Variants in CENPE observed in about 807,000 individuals in gnomAD.
CENPE encodes centromere protein E.
Under a neutral mutation model 336.1 loss-of-function variants are expected in CENPE, and 145 were observed. The observed-to-expected ratio is 0.43, with a 90% confidence interval of 0.38 to 0.50. The LOEUF (loss-of-function observed/expected upper bound fraction) is 0.50, where lower values mean the gene tolerates loss of function less well. CENPE is among the 20% of genes least tolerant of loss of function. The pLI is 0.00. For synonymous variants in CENPE, 1,013 were observed against 984.8 expected, an observed-to-expected ratio of 1.03 and a Z score of -0.54; for missense variants, 2,719 against 3,023.3, an observed-to-expected ratio of 0.90 and a Z score of 2.36.
At chr4:103,118,108 C>T (rs987153012) in intron 44 of CENPE, among the ~76,000 whole-genome samples, 7 of 152,200 alleles carry the variant, frequency 4.6e-5, no homozygotes, top group African/African-American at 1.7e-4. Flanking sequence ...AATACAACTG[C>T]TCAATCATAC....
chr4:103,154,072 G>A (rs983901494), intron 24 of CENPE, among the ~76,000 whole-genome samples: 1 of 152,036 alleles, frequency 6.6e-6, no homozygotes, highest in Non-Finnish European at 1.5e-5. Context: ...ACTATTGCTG[G>A]TACAAATTTA....
At chr4:103,195,716 G>C (rs1270192339) in intron 4 of CENPE, among the ~76,000 whole-genome samples, 1 of 152,094 alleles carries the variant, frequency 6.6e-6, no homozygotes, top group Non-Finnish European at 1.5e-5. Flanking sequence ...TCAAGAGAAA[G>C]AATAAAAGAA....
intron 40 of CENPE, among the ~76,000 whole-genome samples, chr4:103,135,830 T>A (rs1381957240): frequency 1.3e-5 from 2 of 152,188 alleles, no homozygotes; most frequent in Non-Finnish European, 2.9e-5. Context: ...ATTTAGTACG[T>A]CATATAACTT....
chr4:103,188,563 A>G (rs1212346276), intron 8 of CENPE, among the ~76,000 whole-genome samples: 3 of 152,204 alleles, frequency 2.0e-5, no homozygotes, highest in African/African-American at 7.2e-5. Flanking sequence ...AACAAAATGA[A>G]GGCAGAAATA....
intron 24 of CENPE, among the ~76,000 whole-genome samples, chr4:103,154,254 T>C (rs1049906496): frequency 1.7e-4 from 26 of 151,898 alleles, no homozygotes; most frequent in Non-Finnish European, 2.9e-5. Context: ...AGAATTCTGG[T>C]AAATTTACTT....
intron 33 of CENPE, 132 bp from the exon 34 acceptor site, chr4:103,143,538 T>C (rs1287604274): frequency 1.6e-6 from 1 of 644,572 alleles, no homozygotes; most frequent in Non-Finnish European, 2.7e-6. Context: ...TCTAAGCTAC[T>C]TTTAGATGTC....
At chr4:103,117,831 T>C (rs1334348462) in intron 44 of CENPE, among the ~76,000 whole-genome samples, 2 of 152,118 alleles carry the variant, frequency 1.3e-5, no homozygotes, top group East Asian at 1.9e-4. Context: ...GTTTGCCATG[T>C]TGGGGAGGCT....
chr4:103,131,047 G>C (rs1560607966), intron 42 of CENPE, among the ~76,000 whole-genome samples: 1 of 151,998 alleles, frequency 6.6e-6, no homozygotes, highest in Non-Finnish European at 1.5e-5. Context: ...TGATATTTTA[G>C]ATACAAACTC....
chr4:103,148,775 T>G (rs967528051), intron 28 of CENPE, 69 bp downstream of exon 28: 14 of 1,430,796 alleles, frequency 9.8e-6, no homozygotes, highest in Non-Finnish European at 1.4e-5. Flanking sequence ...TACTTCTTAC[T>G]GCTTATCTTT....
intron 33 of CENPE, 116 bp from the exon 34 acceptor site, chr4:103,143,522 TCACC>T: frequency 1.4e-6 from 1 of 693,190 alleles, no homozygotes; most frequent in Non-Finnish European, 2.5e-6. Context: ...CTCCTAGTTC[TCACC>T]CTCTAAGCTA....
chr4:103,187,683 A>C (rs549414970), intron 8 of CENPE, among the ~76,000 whole-genome samples: 3 of 152,376 alleles, frequency 2.0e-5, no homozygotes, highest in Admixed American at 2.0e-4. Flanking sequence ...GGTAATAGCC[A>C]CTGCAAAAAC....
chr4:103,144,943 C>A, intron 32 of CENPE, 107 bp downstream of exon 32: 1 of 1,023,880 alleles, frequency 9.8e-7, no homozygotes, highest in South Asian at 2.1e-5. Context: ...TATTTCCGGT[C>A]CCTTTATGAT....
intron 38 of CENPE, 55 bp from the exon 39 acceptor site, chr4:103,138,504 T>A: frequency 9.1e-7 from 1 of 1,095,680 alleles, no homozygotes; most frequent in Non-Finnish European, 1.4e-6. Context: ...TATTCACATA[T>A]AATGTCTAAT....
At chr4:103,166,264 A>G (rs1002843450) in intron 16 of CENPE, among the ~76,000 whole-genome samples, 4 of 152,214 alleles carry the variant, frequency 2.6e-5, no homozygotes, top group Non-Finnish European at 5.9e-5. Flanking sequence ...TGACTTGCCC[A>G]AGGCCTTGGC....
Position 103,176,885 on chromosome 4 carries a change from A to C in CENPE, c.1390+14T>G. The C allele has an allele frequency of 6.4e-7, 1 of 1,556,056 alleles. No individual in the cohort carries two copies. Among genetic ancestry groups the C allele is most frequent in the Non-Finnish European group, 8.7e-7 (1 of 1,149,824 alleles). Reference sequence around the variant, plus strand: ...TTATAATTAAACATAGTTCCACTTGAAAAAAGCACTCACATTCATCAATTT... The same window carrying C: ...TTATAATTAAACATAGTTCCACTTGCAAAAAGCACTCACATTCATCAATTT... On this transcript the variant is annotated intron_variant, in intron 14 of 48. Transcript: ENST00000265148.
intron 24 of CENPE, among the ~76,000 whole-genome samples, chr4:103,154,978 C>T (rs1753851249): frequency 6.6e-6 from 1 of 152,148 alleles, no homozygotes; most frequent in African/African-American, 2.4e-5. Flanking sequence ...CCCATTTCCA[C>T]TCTTTTATTC....
chr4:103,148,789 T>C, intron 28 of CENPE, 55 bp downstream of exon 28: 2 of 1,513,974 alleles, frequency 1.3e-6, no homozygotes, highest in South Asian at 2.4e-5. Context: ...TATCTTTCCT[T>C]CAAAGGAGAA....
At chr4:103,195,722 A>T (rs1349465245) in intron 4 of CENPE, among the ~76,000 whole-genome samples, 198 bp downstream of exon 4, 1 of 152,132 alleles carries the variant, frequency 6.6e-6, no homozygotes, top group Non-Finnish European at 1.5e-5. Flanking sequence ...GAAAGAATAA[A>T]AGAACTTTAA....
chr4:103,183,254 T>C lies in CENPE; in HGVS notation c.780A>G (p.Arg260=). The C allele has an allele frequency of 1.2e-6, 2 of 1,613,166 alleles. No homozygotes were observed. The highest frequency in any genetic ancestry group is 2.7e-5 in the African/African-American group (2 of 75,010). ...TCACTTGTCCCAAAATAAATAAGCT[T>C]CGATTTATATTACAGCCTTCCTTGA... is the stretch of plus-strand genomic sequence containing the variant. ...VRLKEGCNIN[R]SLFILGQVIK... is the part of the protein sequence containing the mutation. The change falls in exon 10 of 49, where the codon CGA becomes CGG. Residue 260 remains arginine (R), a synonymous_variant. Coordinates refer to ENST00000265148, the MANE Select transcript of CENPE (RefSeq NM_001813.3).
Sources: allele counts gnomAD v4.1 joint callset (sites outside exome capture counted in the v4.1 genomes callset), GRCh38; gene constraint gnomAD v4.1.1; transcripts MANE v1.5; gene names NCBI Gene and HGNC (gene_info 2026-07-23, HGNC 2026-07-21).